The following IFT140 variants were observed in gnomAD, a reference collection of about 807,000 sequenced individuals.
IFT140 encodes intraflagellar transport 140, also known as intraflagellar transport protein 140 homolog.
Under a neutral mutation model 164.6 loss-of-function variants are expected in IFT140, and 133 were observed. The ratio of observed to expected loss-of-function variants is 0.81; its 90% confidence interval spans 0.70 to 0.93. The LOEUF (loss-of-function observed/expected upper bound fraction) is 0.93, where lower values mean the gene tolerates loss of function less well. Among genes scored for constraint, IFT140 ranks in the 40% least tolerant of loss-of-function variants. The pLI is 0.00. For missense variants in IFT140, 2,045 were observed against 1,972.3 expected (o/e 1.04, Z -0.70); for synonymous variants, 860 against 817.3 (o/e 1.05, Z -0.89).
chr16:1,599,487 G>A (rs1426914956), intron 4 of IFT140, among the ~76,000 whole-genome samples: 6 of 65,934 alleles, frequency 9.1e-5, no homozygotes, highest in African/African-American at 4.0e-4. Context: ...TCGGCCCCCC[G>A]CCCGGCCAGC....
intron 14 of IFT140, among the ~76,000 whole-genome samples, chr16:1,569,890 A>C (rs1176349162): frequency 2.0e-5 from 3 of 151,628 alleles, no homozygotes; most frequent in African/African-American, 4.8e-5. Context: ...ACCCAGAAAA[A>C]AAAAAAATAA....
intron 21 of IFT140, 109 bp from the exon 22 acceptor site, chr16:1,525,435 G>A: frequency 1.2e-6 from 1 of 815,146 alleles, no homozygotes; most frequent in Non-Finnish European, 2.1e-6. Flanking sequence ...GTGGCCCTCG[G>A]GGTGTGTGCT....
chr16:1,611,490 CA>C (rs150781872), intron 1 of IFT140, among the ~76,000 whole-genome samples: 249 of 86,726 alleles, frequency 2.9e-3, no homozygotes, highest in Admixed American at 2.8e-3. Flanking sequence ...CAGAGCGAGT[CA>C]AAAAAAAAAA....
rs780040860 is a variant in IFT140 at position 1,551,753 on chromosome 16, G to C, written c.2399+6182C>G. Among the ~76,000 whole-genome samples, 16 of 152,122 alleles carry C rather than the reference G, an allele frequency of 1.1e-4. No individual in the cohort carries two copies. Among genetic ancestry groups the C allele is most frequent in the Non-Finnish European group, 1.9e-4 (13 of 68,024 alleles). ...GTTGGGAGCTACCTATACAAAGGAG[G>C]CCACACCACACGTGCGTGGTCCGGC... On this transcript the variant is annotated intron_variant, in intron 19 of 30. Transcript: ENST00000426508. This position sits in a 1 kb window ranked among gnomAD's most constrained non-coding sequence, Gnocchi z 4.0.
At chr16:1,537,813 A>G (rs2031224598) in intron 19 of IFT140, among the ~76,000 whole-genome samples, 1 of 152,208 alleles carries the variant, frequency 6.6e-6, no homozygotes, top group African/African-American at 2.4e-5. Flanking sequence ...GCCTGGCGCT[A>G]GCTGAGGGGG....
rs769420945 is a variant in IFT140 at position 1,524,861 on chromosome 16, C to T, written c.2920G>A (p.Ala974Thr). 8.1e-5 allele frequency: 130 copies of T among 1,612,848 alleles called. No homozygotes were observed. The highest frequency in any genetic ancestry group is 3.0e-4 in the Admixed American group (18 of 59,998). ...YLESQGEMDAALHYYELARDH... is the reference protein window; with the variant it reads ...YLESQGEMDATLHYYELARDH... ...CGGGCCAGCTCGTAGTAGTGCAGCG[C>T]GGCGTCCATCTCGCCCTGGCTCTCC... Residue 974 changes from alanine to threonine, a missense_variant, in exon 23 of 31, where the codon GCG (alanine) becomes ACG (threonine). By Grantham distance (58) the Ala-to-Thr change is moderately conservative. Transcript: ENST00000426508.
intron 7 of IFT140, among the ~76,000 whole-genome samples, chr16:1,588,846 A>C (rs569390306): frequency 6.6e-6 from 1 of 152,018 alleles, no homozygotes; most frequent in Admixed American, 6.5e-5. Context: ...GGTTAATGAG[A>C]TCCTGGGGTG....
intron 3 of IFT140, among the ~76,000 whole-genome samples, chr16:1,604,712 A>G (rs2035972444): frequency 1.3e-5 from 2 of 151,888 alleles, no homozygotes; most frequent in Non-Finnish European, 2.9e-5. Context: ...GGAGAGGGGG[A>G]TGGGAACCTG....
rs368922367 is a variant in IFT140 at position 1,525,322 on chromosome 16, C to T, written c.2773G>A (p.Glu925Lys). 125 of 1,611,082 alleles carry T rather than the reference C, an allele frequency of 7.8e-5. No homozygotes were observed. Among genetic ancestry groups the T allele is most frequent in the Non-Finnish European group, 9.6e-5 (113 of 1,179,502 alleles). ...ADCSRALSYY[E>K]KSDTHRFEVP... ...TCGAAGCGGTGCGTGTCCGACTTCT[C>T]GTAGCTGTGAGAGAAGGAGACAGAG... is the stretch of plus-strand genomic sequence containing the variant. The change falls in exon 22 of 31, where the codon GAG (glutamate) becomes AAG (lysine). Residue 925 changes from glutamate to lysine, a missense_variant. By Grantham distance (56) the Glu-to-Lys change is moderately conservative. Coordinates refer to ENST00000426508, the MANE Select transcript of IFT140 (RefSeq NM_014714.4).
chr16:1,588,807 A>C (rs2035030376), intron 7 of IFT140, among the ~76,000 whole-genome samples: 1 of 152,106 alleles, frequency 6.6e-6, no homozygotes, highest in African/African-American at 2.4e-5. Flanking sequence ...CCCCCAGTGC[A>C]ACTGTACTTG....
chr16:1,516,565 C>G (rs961047315), intron 30 of IFT140, among the ~76,000 whole-genome samples: 8 of 151,800 alleles, frequency 5.3e-5, no homozygotes, highest in African/African-American at 7.3e-5. Flanking sequence ...GTCAGGAGAT[C>G]GAGACCATCC....
At chr16:1,567,692 C>A (rs993394272) in intron 15 of IFT140, among the ~76,000 whole-genome samples, 3 of 152,232 alleles carry the variant, frequency 2.0e-5, no homozygotes, top group Non-Finnish European at 4.4e-5. Flanking sequence ...GAACCCGCAC[C>A]AGCGGAAGGG....
intron 19 of IFT140, among the ~76,000 whole-genome samples, chr16:1,544,812 C>G (rs2032016830): frequency 2.1e-5 from 3 of 143,652 alleles, no homozygotes; most frequent in Non-Finnish European, 1.5e-5. Flanking sequence ...CCACGCCTGG[C>G]TAATTTTTTG....
intron 19 of IFT140, among the ~76,000 whole-genome samples, chr16:1,538,085 C>T (rs1053059640): frequency 3.9e-5 from 6 of 152,232 alleles, no homozygotes; most frequent in African/African-American, 1.4e-4. Flanking sequence ...AACACCCAAG[C>T]AGTGAACGCC....
intron 4 of IFT140, among the ~76,000 whole-genome samples, chr16:1,597,559 A>G (rs1173436842): frequency 6.6e-6 from 1 of 152,194 alleles, no homozygotes; most frequent in Non-Finnish European, 1.5e-5. Flanking sequence ...AGCGCCTTGC[A>G]CCAAGTCTGG....
intron 30 of IFT140, among the ~76,000 whole-genome samples, chr16:1,516,965 A>G (rs1159979819): frequency 6.6e-6 from 1 of 152,162 alleles, no homozygotes; most frequent in Non-Finnish European, 1.5e-5. Flanking sequence ...AATCCCTAAA[A>G]TGAAAAACAG....
chr16:1,562,105 C>G lies in IFT140; in HGVS notation c.2079G>C (p.Leu693Phe), dbSNP rs137966471. 5.6e-5 allele frequency: 90 copies of G among 1,602,720 alleles called. No homozygotes were observed. Among genetic ancestry groups the G allele is most frequent in the Non-Finnish European group, 7.1e-5 (83 of 1,175,242 alleles). The change falls in exon 18 of 31, where the codon TTG (leucine) becomes TTC (phenylalanine). Residue 693 changes from leucine to phenylalanine, a missense_variant. Leu to Phe is a conservative substitution (Grantham distance 22, BLOSUM62 0). Transcript: ENST00000426508. Reference protein sequence around the residue: ...DGRAGPAADVLILSFFISEEH... With the variant: ...DGRAGPAADVFILSFFISEEH... ...CTTCGGAAATGAAGAAGGACAGGAT[C>G]AAAACATCTGCCTGGGAGAGAAAGA...
rs1332507276 is a variant in IFT140 at position 1,571,402 on chromosome 16, T to A, written c.1652+5A>T. Reference sequence around the variant, plus strand: ...TTCACACTTCTATTTGGAAAAAAAATTTACCTTCGGGAAAGATCAAAGCTT... The same window carrying A: ...TTCACACTTCTATTTGGAAAAAAAAATTACCTTCGGGAAAGATCAAAGCTT... On this transcript the variant is annotated splice_donor_5th_base_variant and intron_variant, in intron 14 of 30. Coordinates refer to ENST00000426508, the MANE Select transcript of IFT140 (RefSeq NM_014714.4). The A allele has an allele frequency of 2.5e-6, 4 of 1,608,278 alleles. No individual in the cohort carries two copies. Among genetic ancestry groups the A allele is most frequent in the East Asian group, 2.2e-5 (1 of 44,850 alleles).
chr16:1,607,378 G>A, intron 2 of IFT140, 81 bp from the exon 3 acceptor site: 2 of 1,268,060 alleles, frequency 1.6e-6, no homozygotes, highest in Non-Finnish European at 2.2e-6. Flanking sequence ...TGACGAAAAG[G>A]AAGCATCCCA....
Sources: gnomAD v4.1 joint callset for allele counts (sites outside exome capture counted in the v4.1 genomes callset) on GRCh38, gnomAD v4.1.1 for gene constraint, Gnocchi (gnomAD v3.1) non-coding constraint, MANE v1.5 for transcripts, NCBI Gene and HGNC (gene_info 2026-07-23, HGNC 2026-07-21) for gene names.